SPP2: variants seen among roughly 807,000 people sequenced by gnomAD.
SPP2 encodes secreted phosphoprotein 2.
A neutral mutation model predicts 28.8 loss-of-function variants in SPP2; 34 were observed. That is an observed-to-expected ratio of 1.18 (90% CI 0.90 to 1.57). The LOEUF is 1.57. Among genes scored for constraint, SPP2 ranks in the 40% most tolerant of loss-of-function variants. SPP2 has a pLI of 0.00. For missense variants in SPP2, 269 were observed against 263.9 expected (o/e 1.02, Z -0.13); for synonymous variants, 96 against 89.4 (o/e 1.07, Z -0.42).
chr2:234,050,906 A>T (rs1339921166), intron 1 of SPP2, 35 bp downstream of exon 1: 1 of 1,614,010 alleles, frequency 6.2e-7, no homozygotes, highest in South Asian at 1.1e-5. Context: ...CCTGCTCTGG[A>T]TCATGCAGAG....
chr2:234,057,877 T>A (rs1693639872), intron 2 of SPP2, among the ~76,000 whole-genome samples: 1 of 152,232 alleles, frequency 6.6e-6, no homozygotes, highest in Non-Finnish European at 1.5e-5. Flanking sequence ...TATGGAGCAG[T>A]CTTTTAGGAA....
intron 7 of SPP2, among the ~76,000 whole-genome samples, chr2:234,073,717 G>A (rs951469600): frequency 3.3e-5 from 5 of 152,136 alleles, no homozygotes; most frequent in African/African-American, 4.8e-5. Flanking sequence ...GTGGCCAGAA[G>A]ACCCTCAGCA....
intron 7 of SPP2, among the ~76,000 whole-genome samples, chr2:234,071,557 G>A (rs1690786892): frequency 6.6e-6 from 1 of 152,224 alleles, no homozygotes; most frequent in African/African-American, 2.4e-5. Flanking sequence ...TATAGATGTC[G>A]ATTCCATGCA....
At chr2:234,070,772 T>C (rs923383217) in intron 7 of SPP2, among the ~76,000 whole-genome samples, 3 of 152,172 alleles carry the variant, frequency 2.0e-5, no homozygotes, top group African/African-American at 7.2e-5. Flanking sequence ...GACGTATGCT[T>C]TAAATACTGG....
intron 2 of SPP2, among the ~76,000 whole-genome samples, chr2:234,057,585 T>C (rs1197609992): frequency 6.6e-6 from 1 of 152,240 alleles, no homozygotes; most frequent in African/African-American, 2.4e-5. Flanking sequence ...GTCCACTGTG[T>C]GGCACCTCCT....
intron 2 of SPP2, among the ~76,000 whole-genome samples, chr2:234,052,705 G>A (rs577126829): frequency 1.1e-4 from 17 of 152,278 alleles, no homozygotes; most frequent in Non-Finnish European, 2.2e-4. Context: ...TTTACCTGGA[G>A]GTCTGCCTAT....
chr2:234,069,246 A>G (rs1693886862), intron 6 of SPP2, among the ~76,000 whole-genome samples: 1 of 152,154 alleles, frequency 6.6e-6, no homozygotes, highest in Non-Finnish European at 1.5e-5. Flanking sequence ...AAGGCAGAAG[A>G]CACAGTCTTT....
At chr2:234,067,377 A>G in intron 6 of SPP2, 103 bp downstream of exon 6, 1 of 1,007,970 alleles carries the variant, frequency 9.9e-7, no homozygotes, top group East Asian at 2.4e-5. Context: ...TAGGAGTTAA[A>G]TCTCTGAAAT....
At chr2:234,067,134 A>C (rs1693837395) in intron 5 of SPP2, 90 bp from the exon 6 acceptor site, 1 of 1,220,192 alleles carries the variant, frequency 8.2e-7, no homozygotes. Context: ...TCTTTGCTTA[A>C]GAAGCATATT....
In SPP2 at chr2:234,059,740, G is replaced by A. The variant is rs546036649; in HGVS notation, c.334-629G>A. Among the ~76,000 whole-genome samples, 296 of 152,218 alleles carry A rather than the reference G, an allele frequency of 1.9e-3. 2 individuals carry two copies. Among genetic ancestry groups the A allele is most frequent in the African/African-American group, 6.8e-3 (282 of 41,540 alleles). On this transcript the variant is annotated intron_variant, in intron 3 of 7. Transcript: ENST00000168148. ...AAATCTTAGAGGGATTCCCAGAAAC[G>A]GGTTAATCAGAAGTCATCATGGCAG...
intron 2 of SPP2, 64 bp from the exon 3 acceptor site, chr2:234,058,772 G>T: frequency 6.5e-7 from 1 of 1,549,482 alleles, no homozygotes; most frequent in South Asian, 1.3e-5. Context: ...TAGAGACAAT[G>T]ATTTATAGCA....
Position 234,066,565 on chromosome 2 carries a change from A to G in SPP2, c.477A>G (p.Lys159=). The part of the protein sequence containing the change: ...MIFGDMLGSH[K]WRNNYLFGLI... Reference sequence around the variant, plus strand: ...TTGGGGACATGTTGGGATCTCATAAATGGAGAAACAATTATCTATTTGGTA... The same window carrying G: ...TTGGGGACATGTTGGGATCTCATAAGTGGAGAAACAATTATCTATTTGGTA... The change falls in exon 5 of 8, where the codon AAA becomes AAG. Residue 159 remains lysine, a synonymous_variant. Coordinates refer to ENST00000168148, the MANE Select transcript of SPP2 (RefSeq NM_006944.3). 1 of 1,612,378 alleles carries G rather than the reference A, an allele frequency of 6.2e-7. No homozygotes were observed. The highest frequency in any genetic ancestry group is 8.5e-7 in the Non-Finnish European group (1 of 1,179,660).
intron 2 of SPP2, among the ~76,000 whole-genome samples, chr2:234,051,443 A>G (rs1208509822): frequency 6.6e-6 from 1 of 152,164 alleles, no homozygotes; most frequent in Non-Finnish European, 1.5e-5. Flanking sequence ...TTTCAAATTC[A>G]GCAGTTCTGC....
rs940800439 is a variant in SPP2 at position 234,065,569 on chromosome 2, G to A, written c.445-964G>A. Among the ~76,000 whole-genome samples the A allele has an allele frequency of 3.9e-5, 6 of 152,182 alleles. No individual in the cohort carries two copies. In the East Asian group the frequency reaches 1.2e-3, roughly 29 times the overall value. On this transcript the variant is annotated intron_variant, in intron 4 of 7. Transcript: ENST00000168148. ...GCTGGGATTACAGGCATGAACCACTGTGCCTAGCTCTCATTGTGGTTTTAA... is the reference window on the plus strand; with the variant it reads ...GCTGGGATTACAGGCATGAACCACTATGCCTAGCTCTCATTGTGGTTTTAA...
intron 5 of SPP2, 41 bp from the exon 6 acceptor site, chr2:234,067,183 A>G (rs1032873285): frequency 3.2e-6 from 5 of 1,561,850 alleles, no homozygotes; most frequent in Admixed American, 1.7e-5. Context: ...ATTCTGGAAC[A>G]GTGAGAGGAG....
In SPP2 at chr2:234,070,015, G is replaced by A. The variant is rs149921508; in HGVS notation, c.*2G>A. Reference sequence around the variant, plus strand: ...AGAATAAATACTGACTTTGAGTAACGGCCTTGAGGTAAGAAAATGCAGGTG... The same window carrying A: ...AGAATAAATACTGACTTTGAGTAACAGCCTTGAGGTAAGAAAATGCAGGTG... On this transcript the variant is annotated 3_prime_UTR_variant, in exon 7 of 8. Coordinates refer to ENST00000168148, the MANE Select transcript of SPP2 (RefSeq NM_006944.3). 813 of 1,612,458 alleles carry A rather than the reference G, an allele frequency of 5.0e-4. 4 individuals carry two copies. In the African/African-American group the frequency reaches 7.9e-3, roughly 16 times the overall value.
At chr2:234,060,995 T>C (rs10210816) in intron 4 of SPP2, among the ~76,000 whole-genome samples, 43,607 of 152,008 alleles carry the variant, frequency 0.29, 6,411 homozygotes, top group South Asian at 0.48. Flanking sequence ...TCATGATCCA[T>C]GGCTTCTTCA....
chr2:234,068,551 T>C (rs1693872743), intron 6 of SPP2, among the ~76,000 whole-genome samples: 1 of 152,212 alleles, frequency 6.6e-6, no homozygotes, highest in African/African-American at 2.4e-5. Flanking sequence ...GTGCTAGAGC[T>C]TATAACCTGA....
At chr2:234,062,056 C>G (rs961442051) in intron 4 of SPP2, among the ~76,000 whole-genome samples, 1 of 152,194 alleles carries the variant, frequency 6.6e-6, no homozygotes, top group Non-Finnish European at 1.5e-5. Context: ...TATCACTTCA[C>G]AAGTCTTTTG....
Sources: gnomAD v4.1 joint callset for allele counts (sites outside exome capture counted in the v4.1 genomes callset) on GRCh38, gnomAD v4.1.1 for gene constraint, MANE v1.5 for transcripts, NCBI Gene and HGNC (gene_info 2026-07-23, HGNC 2026-07-21) for gene names.